GTF3C2: variants seen among roughly 807,000 people sequenced by gnomAD.
The protein encoded by GTF3C2 is general transcription factor 3C polypeptide 2.
Under a neutral mutation model 117.4 loss-of-function variants are expected in GTF3C2, and 17 were observed. The ratio of observed to expected loss-of-function variants is 0.14; its 90% CI spans 0.10 to 0.22. The LOEUF (loss-of-function observed/expected upper bound fraction) is 0.22. Ranked by LOEUF, GTF3C2 falls within the 10% of genes least tolerant of loss-of-function variation. The pLI is 1.00. For missense variants in GTF3C2, 888 were observed against 1,143.6 expected (o/e 0.78, Z 3.22); for synonymous variants, 437 against 427.0 (o/e 1.02, Z -0.29).
At chr2:27,327,350 T>A in intron 17 of GTF3C2, 66 bp from the exon 18 acceptor site, 1 of 795,082 alleles carries the variant, frequency 1.3e-6, no homozygotes, top group Non-Finnish European at 2.1e-6. Flanking sequence ...TAAGACGGAG[T>A]CTCGCTCTGT....
At chr2:27,355,445 G>C (rs1681304582) in intron 1 of GTF3C2, among the ~76,000 whole-genome samples, 1 of 151,836 alleles carries the variant, frequency 6.6e-6, no homozygotes, top group African/African-American at 2.4e-5. Context: ...GCTTGAACCC[G>C]GGAGGCGGAG....
At position 27,329,395 on chromosome 2, in the gene GTF3C2, A is replaced by G; in HGVS notation, c.1861T>C (p.Trp621Arg). ...ATTCCATACCTGTTAGCTTTGCACCATTGAAGGGTACGCACAGCCTGGTCA... is the reference window on the plus strand; with the variant it reads ...ATTCCATACCTGTTAGCTTTGCACCGTTGAAGGGTACGCACAGCCTGGTCA... The change falls in exon 13 of 19, where the codon TGG (tryptophan) becomes CGG (arginine). Residue 621 changes from tryptophan (W) to arginine (R), a missense_variant. Trp to Arg is a moderately radical substitution (Grantham distance 101). Transcript: ENST00000264720. This position sits in a 1 kb window ranked among gnomAD's most constrained non-coding sequence, Gnocchi z 4.5. 6.2e-7 allele frequency: 1 copy of G among 1,614,144 alleles called. No homozygotes were observed. Among genetic ancestry groups the G allele is most frequent in the Non-Finnish European group, 8.5e-7 (1 of 1,180,010 alleles).
intron 4 of GTF3C2, chr2:27,340,787 ATTTTTT>A (rs1181361973): frequency 1.4e-5 from 2 of 143,588 alleles, no homozygotes; most frequent in Non-Finnish European, 3.1e-5. Context: ...CATCCAGCTA[ATTTTTT>A]TTTTTTTTAT....
intron 1 of GTF3C2, chr2:27,350,559 G>T: frequency 1.1e-6 from 1 of 949,300 alleles, no homozygotes; most frequent in Non-Finnish European, 1.3e-6. Flanking sequence ...CAACACTTTG[G>T]GAGGCCAAGG....
intron 1 of GTF3C2, among the ~76,000 whole-genome samples, chr2:27,351,264 T>G (rs1168801981): frequency 1.3e-5 from 2 of 151,562 alleles, no homozygotes; most frequent in African/African-American, 2.4e-5. Context: ...ACACAAAAAT[T>G]AGCTGGGCGT....
intron 1 of GTF3C2, among the ~76,000 whole-genome samples, chr2:27,349,925 C>G (rs893601787): frequency 6.6e-6 from 1 of 152,054 alleles, no homozygotes. Flanking sequence ...CAAGCATGAG[C>G]CACTGTGCCC....
intron 1 of GTF3C2, among the ~76,000 whole-genome samples, chr2:27,344,198 ATTT>A (rs1200419954): frequency 1.3e-5 from 2 of 151,874 alleles, no homozygotes; most frequent in African/African-American, 4.8e-5. Flanking sequence ...TAATTTTTGT[ATTT>A]TTAATAGAGA....
chr2:27,335,664 A>C (rs1472041710), exon 10 of GTF3C2: 1 of 1,562,300 alleles, frequency 6.4e-7, no homozygotes, highest in Non-Finnish European at 8.7e-7. Context: ...TTCCCGTCTG[A>C]GCAGGCCAGA....
chr2:27,329,403 G>A lies in GTF3C2; in HGVS notation c.1853C>T (p.Thr618Ile), dbSNP rs764005582. ...CCTGTTAGCTTTGCACCATTGAAGG[G>A]TACGCACAGCCTGGTCATGGGCTAG... Residue 618 changes from threonine to isoleucine, a missense_variant, in exon 13 of 19, where the codon ACC becomes ATC. Around this residue, in one of 7 missense-constraint regions of GTF3C2, gnomAD observed 277 missense variants for 445.4 expected, o/e 0.62. Coordinates refer to ENST00000264720, the Ensembl canonical transcript of GTF3C2. This position sits in a 1 kb window ranked among gnomAD's most constrained non-coding sequence, Gnocchi z 4.5. 6.2e-7 allele frequency: 1 copy of A among 1,614,086 alleles called. No individual in the cohort carries two copies. The highest frequency in any genetic ancestry group is 2.2e-5 in the East Asian group (1 of 44,886).
At chr2:27,332,507 C>T (rs1392991571) in intron 12 of GTF3C2, among the ~76,000 whole-genome samples, 3 of 151,890 alleles carry the variant, frequency 2.0e-5, no homozygotes, top group African/African-American at 4.8e-5. Context: ...CTCCGCCTCC[C>T]GGGTTCACGC....
chr2:27,339,238 C>T (rs889614133), intron 4 of GTF3C2, among the ~76,000 whole-genome samples: 13 of 151,716 alleles, frequency 8.6e-5, no homozygotes, highest in African/African-American at 2.9e-4. Context: ...GAAACCCCAT[C>T]TCTACTAAAA....
intron 16 of GTF3C2, 25 bp from the exon 17 acceptor site, chr2:27,328,214 G>T: frequency 6.5e-7 from 1 of 1,533,078 alleles, no homozygotes; most frequent in Non-Finnish European, 8.8e-7. Flanking sequence ...ATGAAATTAG[G>T]TTCTATAATA....
intron 5 of GTF3C2, 57 bp downstream of exon 5, chr2:27,337,869 C>T: frequency 1.0e-6 from 1 of 983,782 alleles, no homozygotes; most frequent in Non-Finnish European, 1.7e-6. Context: ...TCAATACCGC[C>T]CTTGCACTCC....
rs777607074 is a variant in GTF3C2, at chr2:27,342,934, A to C, written c.461T>G (p.Leu154Arg). Residue 154 changes from leucine to arginine, a missense_variant, in exon 3 of 19, where the codon CTG becomes CGG. Coordinates refer to ENST00000264720, the Ensembl canonical transcript of GTF3C2. ...CCGATCTAGGTCTTTTGACAACTTC[A>C]GCAGCAGCAGCTCTGCCTTGGACTT... is the stretch of plus-strand genomic sequence containing the variant. 3 of 1,613,438 alleles carry C rather than the reference A, an allele frequency of 1.9e-6. No individual in the cohort carries two copies. In the South Asian group the frequency reaches 3.3e-5, roughly 18 times the overall value.
At chr2:27,355,177 ACTT>A (rs749550245) in intron 1 of GTF3C2, among the ~76,000 whole-genome samples, 2 of 152,196 alleles carry the variant, frequency 1.3e-5, no homozygotes, top group Non-Finnish European at 2.9e-5. Context: ...GGTGTCAGCA[ACTT>A]CTTTCTATAT....
intron 1 of GTF3C2, among the ~76,000 whole-genome samples, chr2:27,353,493 C>G (rs1247989986): frequency 6.6e-6 from 1 of 151,990 alleles, no homozygotes; most frequent in Non-Finnish European, 1.5e-5. Context: ...GGCTGGAGCG[C>G]AGGGGCATGC....
intron 10 of GTF3C2, among the ~76,000 whole-genome samples, chr2:27,334,571 G>A (rs771542885): frequency 5.3e-5 from 8 of 151,858 alleles, no homozygotes; most frequent in Non-Finnish European, 5.9e-5. Context: ...CCAAATAAAG[G>A]GACAAAACCT....
chr2:27,346,780 T>A (rs1442336566), intron 1 of GTF3C2, among the ~76,000 whole-genome samples: 1 of 152,016 alleles, frequency 6.6e-6, no homozygotes, highest in Non-Finnish European at 1.5e-5. Context: ...CTGCAGCCAC[T>A]AACTCCTGGG....
intron 17 of GTF3C2, 44 bp from the exon 18 acceptor site, chr2:27,327,328 G>A (rs372332938): frequency 1.8e-6 from 2 of 1,081,684 alleles, no homozygotes; most frequent in African/African-American, 1.6e-5. Context: ...TGAGACGCTC[G>A]TTTGTTTTTT....
Sources: gnomAD v4.1 joint callset for allele counts (sites outside exome capture counted in the v4.1 genomes callset) on GRCh38, gnomAD v4.1.1 for gene constraint, gnomAD v4.1.1 regional missense constraint, Gnocchi (gnomAD v3.1) non-coding constraint, MANE v1.5 for transcripts, NCBI Gene and HGNC (gene_info 2026-07-23, HGNC 2026-07-21) for gene names.